Variants in PCCA observed in about 807,000 individuals in gnomAD.
PCCA encodes propionyl-CoA carboxylase subunit alpha.
In PCCA, 74 loss-of-function variants were observed where a neutral mutation model predicts 101.3. That is an observed-to-expected ratio of 0.73 (90% confidence interval 0.61 to 0.89). The LOEUF (loss-of-function observed/expected upper bound fraction) is 0.89. Ranked by LOEUF, PCCA falls within the 40% of genes least tolerant of loss-of-function variation. PCCA has a pLI of 0.00. For synonymous variants in PCCA, 294 were observed against 313.6 expected, an observed-to-expected ratio of 0.94 and a Z score of 0.66; for missense variants, 891 against 907.0, an observed-to-expected ratio of 0.98 and a Z score of 0.23.
rs140495255 is a variant in PCCA at position 100,274,297 on chromosome 13, A to T, written c.1065+951A>T. ...TTTGTGCCTGGCTTCTTTTTTCAGC[A>T]TGGCATTTGTGAGATTTGTGCTATT... On this transcript the variant is annotated intron_variant, in intron 12 of 23. Transcript: ENST00000376285. Among the ~76,000 whole-genome samples the T allele has an allele frequency of 1.8e-4, 27 of 152,244 alleles. No homozygotes were observed. In the East Asian group the frequency reaches 4.6e-3, roughly 26 times the overall value.
chr13:100,251,790 A>G (rs2061767268), intron 8 of PCCA, among the ~76,000 whole-genome samples: 1 of 152,170 alleles, frequency 6.6e-6, no homozygotes, highest in Non-Finnish European at 1.5e-5. Context: ...CGATGGAAGA[A>G]CTCGAGGATA....
chr13:100,238,208 G>A (rs1029744271), intron 8 of PCCA, among the ~76,000 whole-genome samples: 7 of 151,956 alleles, frequency 4.6e-5, no homozygotes, highest in Admixed American at 3.9e-4. Context: ...CCAAAGTGCC[G>A]GGATTACAGG....
At chr13:100,406,650 G>A (rs2077699497) in intron 19 of PCCA, among the ~76,000 whole-genome samples, 1 of 152,234 alleles carries the variant, frequency 6.6e-6, no homozygotes, top group Non-Finnish European at 1.5e-5. Context: ...GTTGCAGTGA[G>A]CTGAGATCAT....
At position 100,335,641 on chromosome 13, in the gene PCCA, C is replaced by T. The variant is rs540501574; in HGVS notation, c.1541-4516C>T. On this transcript the variant is annotated intron_variant, in intron 17 of 23. Coordinates refer to ENST00000376285, the MANE Select transcript of PCCA (RefSeq NM_000282.4). ...CTGGTGTAAGCTTTCAGATTCTTCT[C>T]TGCAGAGGATAAAAACCAGGGGACA... Among the ~76,000 whole-genome samples the T allele has an allele frequency of 2.0e-5, 3 of 152,288 alleles. No homozygotes were observed. The East Asian group carries it at 5.8e-4, about 29-fold the overall frequency.
At chr13:100,411,476 C>T (rs1201716208) in intron 19 of PCCA, among the ~76,000 whole-genome samples, 1 of 152,180 alleles carries the variant, frequency 6.6e-6, no homozygotes, top group Non-Finnish European at 1.5e-5. Context: ...AACATTACTT[C>T]TGTGGTATTC....
intron 20 of PCCA, among the ~76,000 whole-genome samples, chr13:100,448,730 A>G (rs1170335513): frequency 6.6e-6 from 1 of 152,250 alleles, no homozygotes; most frequent in African/African-American, 2.4e-5. Context: ...TACTCTCTGG[A>G]CATAGAATTG....
chr13:100,529,442 T>C (rs932197049), intron 23 of PCCA, among the ~76,000 whole-genome samples: 4 of 152,068 alleles, frequency 2.6e-5, no homozygotes, highest in Non-Finnish European at 5.9e-5. Context: ...CTCAAGCCCC[T>C]CCTTGCTAAT....
At chr13:100,493,276 A>G (rs2085037196) in intron 21 of PCCA, among the ~76,000 whole-genome samples, 1 of 151,686 alleles carries the variant, frequency 6.6e-6, no homozygotes, top group East Asian at 1.9e-4. Context: ...GAGTCAGGGA[A>G]CTCTCCCATT....
At chr13:100,402,943 G>T (rs2077455013) in intron 19 of PCCA, among the ~76,000 whole-genome samples, 1 of 152,038 alleles carries the variant, frequency 6.6e-6, no homozygotes, top group Non-Finnish European at 1.5e-5. Flanking sequence ...AAATTGAAAT[G>T]ATAGTTAGAT....
chr13:100,524,699 C>T (rs2087604969), intron 22 of PCCA, among the ~76,000 whole-genome samples: 1 of 152,094 alleles, frequency 6.6e-6, no homozygotes, highest in Non-Finnish European at 1.5e-5. Flanking sequence ...TGGTAATACC[C>T]TATCTGTACT....
At chr13:100,466,439 G>C (rs991074413) in intron 21 of PCCA, among the ~76,000 whole-genome samples, 3 of 152,176 alleles carry the variant, frequency 2.0e-5, no homozygotes, top group Non-Finnish European at 4.4e-5. Flanking sequence ...CATATGTTTT[G>C]TATGGTGTAA....
intron 4 of PCCA, among the ~76,000 whole-genome samples, chr13:100,148,401 G>C (rs2052850968): frequency 1.3e-5 from 2 of 151,800 alleles, no homozygotes; most frequent in Non-Finnish European, 2.9e-5. Context: ...CATATGTACA[G>C]TCCTCACCCC....
intron 22 of PCCA, among the ~76,000 whole-genome samples, chr13:100,517,674 C>T (rs2086937771): frequency 6.6e-6 from 1 of 152,118 alleles, no homozygotes; most frequent in Non-Finnish European, 1.5e-5. Context: ...GGGGGCTGCT[C>T]AGGTGGGGCG....
At chr13:100,515,377 G>A (rs1307183215) in intron 21 of PCCA, 50 bp from the exon 22 acceptor site, 2 of 1,572,232 alleles carry the variant, frequency 1.3e-6, no homozygotes, top group Non-Finnish European at 1.7e-6. Flanking sequence ...TACTTTTGAG[G>A]AAAATTTCAT....
At chr13:100,240,531 CTCTG>C (rs2061062588) in intron 8 of PCCA, among the ~76,000 whole-genome samples, 2 of 152,206 alleles carry the variant, frequency 1.3e-5, no homozygotes, top group South Asian at 4.1e-4. Flanking sequence ...CCCAGTCATT[CTCTG>C]TCTTATAACT....
At chr13:100,326,370 A>G (rs575527605) in intron 16 of PCCA, among the ~76,000 whole-genome samples, 4 of 152,318 alleles carry the variant, frequency 2.6e-5, no homozygotes, top group African/African-American at 9.6e-5. Flanking sequence ...ACATAGAAGA[A>G]GCAGTGCCAG....
chr13:100,489,294 C>G lies in PCCA; in HGVS notation c.1900-26133C>G, dbSNP rs150404677. 4.0e-5 allele frequency among the ~76,000 whole-genome samples: 6 copies of G among 151,172 alleles called. No homozygotes were observed. In the South Asian group the frequency reaches 1.0e-3, roughly 26 times the overall value. On this transcript the variant is annotated intron_variant, in intron 21 of 23. Coordinates refer to ENST00000376285, the MANE Select transcript of PCCA (RefSeq NM_000282.4). ...CTGCACTCCAGCCTGGGCGACAGAG[C>G]GAGACTCCGTCTCAAAAAAAAAAAA...
At chr13:100,311,845 A>G (rs964874341) in intron 16 of PCCA, among the ~76,000 whole-genome samples, 1 of 152,246 alleles carries the variant, frequency 6.6e-6, no homozygotes, top group South Asian at 2.1e-4. Context: ...TTACTAAATC[A>G]TAGATAAACA....
chr13:100,107,444 T>C (rs1023356662), intron 2 of PCCA, among the ~76,000 whole-genome samples: 1 of 152,096 alleles, frequency 6.6e-6, no homozygotes, highest in African/African-American at 2.4e-5. Context: ...GTCCCTGCGC[T>C]CTGGGAGGCC....
Sources: gnomAD v4.1 joint callset for allele counts (sites outside exome capture counted in the v4.1 genomes callset) on GRCh38, gnomAD v4.1.1 for gene constraint, MANE v1.5 for transcripts, NCBI Gene and HGNC (gene_info 2026-07-23, HGNC 2026-07-21) for gene names.